Variants in R3HDM2 observed in about 807,000 individuals in gnomAD.
The protein encoded by R3HDM2 is R3H domain-containing protein 2.
A neutral mutation model predicts 124.5 loss-of-function variants in R3HDM2; 38 were observed. The observed-to-expected ratio is 0.31, with a 90% CI of 0.24 to 0.40. R3HDM2 has a LOEUF of 0.40. R3HDM2 is among the 10% of genes least tolerant of loss of function. The pLI is 1.00. For synonymous variants in R3HDM2, 391 were observed against 448.0 expected, an observed-to-expected ratio of 0.87 and a Z score of 1.61; for missense variants, 869 against 1,236.9, an observed-to-expected ratio of 0.70 and a Z score of 4.46.
intron 2 of R3HDM2, among the ~76,000 whole-genome samples, chr12:57,357,464 G>GAA (rs752104852): frequency 2.4e-5 from 3 of 125,148 alleles, no homozygotes; most frequent in African/African-American, 2.9e-5. Context: ...TCCATCTCAA[G>GAA]AAAAAAAAAA....
chr12:57,269,390 A>T lies in R3HDM2; in HGVS notation c.1647T>A (p.Pro549=). Residue 549 remains proline, a synonymous_variant, in exon 16 of 24, where the codon CCT becomes CCA. Coordinates refer to ENST00000402412, the MANE Select transcript of R3HDM2 (RefSeq NM_001394031.1). ...GGCTATAGGCCACCGGGTGAGAGAG[A>T]GGTCGATATTGCTGGTTGGAGTTAG... ...QYPNSNQQYR[P]LSHPVAYSPQ... The T allele has an allele frequency of 6.2e-7, 1 of 1,614,094 alleles. No individual in the cohort carries two copies. Among genetic ancestry groups the T allele is most frequent in the East Asian group, 2.2e-5 (1 of 44,870 alleles).
intron 2 of R3HDM2, among the ~76,000 whole-genome samples, chr12:57,355,505 A>G (rs2061183146): frequency 6.6e-6 from 1 of 152,028 alleles, no homozygotes. Flanking sequence ...ACACTTTTTA[A>G]AAAGTCATCT....
At chr12:57,403,833 A>T (rs967005948) in intron 1 of R3HDM2, among the ~76,000 whole-genome samples, 24 of 150,824 alleles carry the variant, frequency 1.6e-4, no homozygotes, top group South Asian at 4.2e-4. Context: ...AAAAAAAGGC[A>T]GGATGGAAAC....
At chr12:57,382,893 G>A (rs571430315) in intron 2 of R3HDM2, among the ~76,000 whole-genome samples, 24 of 151,920 alleles carry the variant, frequency 1.6e-4, no homozygotes, top group Admixed American at 2.0e-4. Context: ...TTATTGAGAC[G>A]GAGTCTCGCT....
intron 3 of R3HDM2, chr12:57,305,594 G>A (rs575254541): frequency 2.2e-4 from 86 of 398,890 alleles, no homozygotes; most frequent in African/African-American, 1.5e-3. Context: ...TATACACCAT[G>A]TTATCATGCT....
chr12:57,379,352 A>G (rs1412114464), intron 2 of R3HDM2, among the ~76,000 whole-genome samples: 1 of 152,176 alleles, frequency 6.6e-6, no homozygotes, highest in East Asian at 1.9e-4. Flanking sequence ...AGGCCGAGGC[A>G]GGCAGATCAC....
intron 2 of R3HDM2, among the ~76,000 whole-genome samples, chr12:57,369,788 T>C (rs1412464098): frequency 1.3e-5 from 2 of 152,080 alleles, no homozygotes; most frequent in African/African-American, 4.8e-5. Context: ...ACTATTGAAA[T>C]CTGGAATTTA....
At chr12:57,339,135 A>C (rs1256296912) in intron 2 of R3HDM2, among the ~76,000 whole-genome samples, 3 of 151,942 alleles carry the variant, frequency 2.0e-5, no homozygotes, top group Non-Finnish European at 2.9e-5. Context: ...CTGGGATTAC[A>C]GGTGTTCGCC....
chr12:57,259,341 A>C (rs371727308), intron 19 of R3HDM2, among the ~76,000 whole-genome samples: 1 of 152,212 alleles, frequency 6.6e-6, no homozygotes, highest in East Asian at 1.9e-4. Flanking sequence ...AAACTACTCC[A>C]TTCTGTCAAC....
At chr12:57,351,417 T>C (rs993128406) in intron 2 of R3HDM2, among the ~76,000 whole-genome samples, 2 of 152,210 alleles carry the variant, frequency 1.3e-5, no homozygotes, top group African/African-American at 4.8e-5. Context: ...TTCATTCACA[T>C]CAACAGGATA....
At chr12:57,289,309 G>C (rs2048095977) in intron 11 of R3HDM2, among the ~76,000 whole-genome samples, 1 of 152,178 alleles carries the variant, frequency 6.6e-6, no homozygotes, top group Non-Finnish European at 1.5e-5. Context: ...TGAAAAGGAG[G>C]AAGAGGAAAG....
At chr12:57,395,604 C>T (rs2067393757) in intron 2 of R3HDM2, 145 bp downstream of exon 2, 2 of 209,816 alleles carry the variant, frequency 9.5e-6, no homozygotes, top group Admixed American at 6.5e-5. Context: ...GATGCACTCT[C>T]TGCATCTCAA....
chr12:57,395,937 G>C (rs575847308), intron 1 of R3HDM2, 119 bp from the exon 2 acceptor site: 6 of 299,000 alleles, frequency 2.0e-5, no homozygotes, highest in Non-Finnish European at 3.0e-5. Flanking sequence ...AATTTCTTCA[G>C]CTCACAATGT....
intron 2 of R3HDM2, among the ~76,000 whole-genome samples, chr12:57,362,814 TTTTTATTTTA>T (rs945336422): frequency 2.0e-5 from 3 of 152,132 alleles, no homozygotes; most frequent in African/African-American, 7.2e-5. Context: ...CATTATTTTA[TTTTTATTTTA>T]TTTTATTTTA....
At chr12:57,374,683 TAAA>T (rs56197858) in intron 2 of R3HDM2, among the ~76,000 whole-genome samples, 1 of 28,056 alleles carries the variant, frequency 3.6e-5, no homozygotes, top group East Asian at 9.9e-4. Flanking sequence ...AATTCTATCT[TAAA>T]AAAAAAAAAA....
intron 2 of R3HDM2, among the ~76,000 whole-genome samples, chr12:57,348,188 C>T (rs900884092): frequency 6.6e-6 from 1 of 152,166 alleles, no homozygotes; most frequent in Admixed American, 6.5e-5. Flanking sequence ...CTGTGGGAGG[C>T]TGAAGCCTAA....
chr12:57,349,705 C>A (rs1188689089), intron 2 of R3HDM2, among the ~76,000 whole-genome samples: 1 of 151,708 alleles, frequency 6.6e-6, no homozygotes, highest in Non-Finnish European at 1.5e-5. Context: ...GGACTACAAG[C>A]ATGTGCCACC....
In R3HDM2 at chr12:57,280,555, A is replaced by G. The variant is rs769119529; in HGVS notation, c.1172-25T>C. 38 of 1,570,880 alleles carry G rather than the reference A, an allele frequency of 2.4e-5. No homozygotes were observed. The South Asian group carries it at 4.4e-4, about 18-fold the overall frequency. ...CCTAAGGCAAAGAAGAAACCCACAAAAAGTTGTAAGCATAAGCCACGAACA... is the reference window on the plus strand; with the variant it reads ...CCTAAGGCAAAGAAGAAACCCACAAGAAGTTGTAAGCATAAGCCACGAACA... On this transcript the variant is annotated intron_variant, in intron 13 of 23. Transcript: ENST00000402412.
At chr12:57,378,383 A>G (rs1266613347) in intron 2 of R3HDM2, among the ~76,000 whole-genome samples, 1 of 151,636 alleles carries the variant, frequency 6.6e-6, no homozygotes, top group African/African-American at 2.4e-5. Context: ...TGGTGGTATT[A>G]TTTTTCTTTT....
Sources: allele counts gnomAD v4.1 joint callset (sites outside exome capture counted in the v4.1 genomes callset), GRCh38; gene constraint gnomAD v4.1.1; transcripts MANE v1.5; gene names NCBI Gene and HGNC (gene_info 2026-07-23, HGNC 2026-07-21).